Variants in CSMD3 observed in about 807,000 individuals in gnomAD.
CSMD3 encodes the protein CUB and Sushi multiple domains 3, also known as CUB and sushi domain-containing protein 3.
A neutral mutation model predicts 435.2 loss-of-function variants in CSMD3; 177 were observed. The observed-to-expected ratio is 0.41, with a 90% CI of 0.36 to 0.46. The LOEUF is 0.46. Among genes scored for constraint, CSMD3 ranks in the 20% least tolerant of loss-of-function variants. The pLI is 0.34. For missense variants in CSMD3, 4,265 were observed against 4,504.6 expected (o/e 0.95, Z 1.52); for synonymous variants, 1,656 against 1,520.5 (o/e 1.09, Z -2.07).
At chr8:112,798,909 C>T (rs1416710789) in intron 13 of CSMD3, among the ~76,000 whole-genome samples, 2 of 151,626 alleles carry the variant, frequency 1.3e-5, no homozygotes, top group African/African-American at 4.8e-5. Flanking sequence ...AGAAGTATGA[C>T]GAGGTGAGAG....
rs2130381650 is a variant in CSMD3 at position 112,263,678 on chromosome 8, C to T, written c.9823G>A (p.Gly3275Arg). 6.2e-7 allele frequency: 1 copy of T among 1,613,700 alleles called. No individual in the cohort carries two copies. Among genetic ancestry groups the T allele is most frequent in the Non-Finnish European group, 8.5e-7 (1 of 1,179,770 alleles). ...ACTTCACCACTCCAGGTACCATTCC[C>T]TACACAGGTCAAAACAGCAGGGAAG... ...LSFPAVLTCV[G>R]NGTWSGEVPQ... The change falls in exon 61 of 71, where the codon GGG (glycine) becomes AGG (arginine). Residue 3275 changes from glycine (G) to arginine (R), a missense_variant. Coordinates refer to ENST00000297405, the MANE Select transcript of CSMD3 (RefSeq NM_198123.2).
chr8:113,042,438 C>A (rs2087662551), intron 5 of CSMD3, among the ~76,000 whole-genome samples: 1 of 152,100 alleles, frequency 6.6e-6, no homozygotes, highest in Non-Finnish European at 1.5e-5. Context: ...ACAGTACCTG[C>A]ACATTTTCTT....
intron 6 of CSMD3, among the ~76,000 whole-genome samples, chr8:113,004,951 T>A (rs1482361420): frequency 6.6e-6 from 1 of 151,886 alleles, no homozygotes; most frequent in Non-Finnish European, 1.5e-5. Context: ...AATTGTACTA[T>A]CATTGTGTAT....
chr8:112,859,857 T>C (rs2080773824), intron 10 of CSMD3, among the ~76,000 whole-genome samples: 2 of 151,812 alleles, frequency 1.3e-5, no homozygotes, highest in African/African-American at 2.4e-5. Flanking sequence ...ACTTAATAAA[T>C]GAGCTAGTGA....
intron 10 of CSMD3, among the ~76,000 whole-genome samples, chr8:112,915,627 T>G (rs935790211): frequency 6.7e-6 from 1 of 149,260 alleles, no homozygotes; most frequent in South Asian, 2.1e-4. Context: ...TGAAGACAAA[T>G]AATCTTTTAC....
intron 32 of CSMD3, among the ~76,000 whole-genome samples, chr8:112,410,198 A>T (rs1832207390): frequency 6.6e-6 from 1 of 151,822 alleles, no homozygotes; most frequent in Admixed American, 6.6e-5. Context: ...GGCCTGTAAA[A>T]ATAAGCTGGT....
At chr8:113,298,809 T>C (rs898596587) in intron 2 of CSMD3, among the ~76,000 whole-genome samples, 12 of 151,962 alleles carry the variant, frequency 7.9e-5, no homozygotes, top group East Asian at 1.9e-4. Context: ...ACAGAAAGGA[T>C]AGCAAACAGT....
At chr8:113,434,834 C>A (rs911927110) in intron 1 of CSMD3, among the ~76,000 whole-genome samples, 5 of 152,172 alleles carry the variant, frequency 3.3e-5, no homozygotes, top group African/African-American at 7.2e-5. Flanking sequence ...CGCGGATCAG[C>A]GTTAGTCAGG....
At chr8:112,618,465 G>T (rs1480049219) in intron 22 of CSMD3, among the ~76,000 whole-genome samples, 1 of 152,082 alleles carries the variant, frequency 6.6e-6, no homozygotes, top group Non-Finnish European at 1.5e-5. Context: ...TACAAATGAA[G>T]TTTATCTTCA....
At chr8:112,366,139 A>G (rs887032384) in intron 38 of CSMD3, among the ~76,000 whole-genome samples, 1 of 152,216 alleles carries the variant, frequency 6.6e-6, no homozygotes, top group Non-Finnish European at 1.5e-5. Flanking sequence ...CAGTCAAAGC[A>G]AAAACAGACT....
intron 4 of CSMD3, among the ~76,000 whole-genome samples, chr8:113,144,785 A>T (rs2091633654): frequency 6.6e-6 from 1 of 151,598 alleles, no homozygotes. Flanking sequence ...CCTGGCCTAG[A>T]TGCTGGAATC....
At chr8:113,088,102 T>TG (rs1460441820) in intron 5 of CSMD3, among the ~76,000 whole-genome samples, 1 of 149,694 alleles carries the variant, frequency 6.7e-6, no homozygotes, top group Non-Finnish European at 1.5e-5. Flanking sequence ...AAAAAACACA[T>TG]GAAAAAATGC....
rs1461020639 is a variant in CSMD3, at chr8:112,456,701, T to C, written c.5395+15890A>G. On this transcript the variant is annotated intron_variant, in intron 32 of 70. Transcript: ENST00000297405. ...AATTATCTCTTTTTTATAGATGAGA[T>C]GTCAGAAAGAATAAATAACTTACAT... Among the ~76,000 whole-genome samples the C allele has an allele frequency of 2.0e-5, 3 of 152,192 alleles. No homozygotes were observed. The East Asian group carries it at 5.8e-4, about 29-fold the overall frequency.
At chr8:113,244,338 C>T (rs978235752) in intron 3 of CSMD3, among the ~76,000 whole-genome samples, 16 of 152,070 alleles carry the variant, frequency 1.1e-4, no homozygotes, top group Admixed American at 7.2e-4. Flanking sequence ...TTGTTTGAGA[C>T]GGAGTCTCAT....
At chr8:112,671,271 A>C (rs981252348) in intron 16 of CSMD3, among the ~76,000 whole-genome samples, 1 of 151,908 alleles carries the variant, frequency 6.6e-6, no homozygotes, top group Non-Finnish European at 1.5e-5. Context: ...TGTACCTTTG[A>C]AATGTACATT....
At chr8:112,750,173 C>T (rs1039285024) in intron 13 of CSMD3, among the ~76,000 whole-genome samples, 10 of 151,544 alleles carry the variant, frequency 6.6e-5, no homozygotes, top group African/African-American at 9.7e-5. Context: ...CTTTGTGTGA[C>T]GTTAAGAAAG....
chr8:113,211,801 C>T (rs981221059), intron 3 of CSMD3, among the ~76,000 whole-genome samples: 1 of 152,146 alleles, frequency 6.6e-6, no homozygotes, highest in South Asian at 2.1e-4. Context: ...GGCATATATG[C>T]CACCTCAATA....
intron 4 of CSMD3, among the ~76,000 whole-genome samples, chr8:113,114,298 G>T (rs2090757360): frequency 6.6e-6 from 1 of 152,208 alleles, no homozygotes; most frequent in Non-Finnish European, 1.5e-5. Flanking sequence ...AGCGAGACCA[G>T]TCAATTGAGA....
Position 112,745,391 on chromosome 8 carries a change from A to G in CSMD3, c.1972+54771T>C, listed in dbSNP as rs1170786526. Among the ~76,000 whole-genome samples, 4 of 152,100 alleles carry G rather than the reference A, an allele frequency of 2.6e-5. No homozygotes were observed. The East Asian group carries it at 5.8e-4, about 22-fold the overall frequency. On this transcript the variant is annotated intron_variant, in intron 13 of 70. Coordinates refer to ENST00000297405, the MANE Select transcript of CSMD3 (RefSeq NM_198123.2). ...TTCCAAATTATAAAAATAATGCAAA[A>G]TAATATATTTTAAGTATTTTTTCAA...
Sources: gnomAD v4.1 joint callset for allele counts (sites outside exome capture counted in the v4.1 genomes callset) on GRCh38, gnomAD v4.1.1 for gene constraint, MANE v1.5 for transcripts, NCBI Gene and HGNC (gene_info 2026-07-23, HGNC 2026-07-21) for gene names.